Variants in CPQ observed in about 807,000 individuals in gnomAD.
CPQ encodes the protein Ser-Met dipeptidase.
Under a neutral mutation model 45.7 loss-of-function variants are expected in CPQ, and 37 were observed. The observed-to-expected ratio is 0.81, with a 90% CI of 0.62 to 1.07. The LOEUF (loss-of-function observed/expected upper bound fraction) is 1.07. Ranked by LOEUF, CPQ falls within the 50% of genes least tolerant of loss-of-function variation. The pLI is 0.00. For synonymous variants in CPQ, 186 were observed against 205.8 expected (o/e 0.90, Z 0.82); for missense variants, 537 against 572.9 (o/e 0.94, Z 0.64).
intron 4 of CPQ, among the ~76,000 whole-genome samples, chr8:96,925,360 C>T (rs1252871871): frequency 6.6e-6 from 1 of 150,924 alleles, no homozygotes; most frequent in Non-Finnish European, 1.5e-5. Context: ...AAACCAGAGC[C>T]TTTGGGTGTG....
intron 7 of CPQ, among the ~76,000 whole-genome samples, chr8:97,107,068 C>A (rs1811416939): frequency 6.6e-6 from 1 of 152,128 alleles, no homozygotes; most frequent in Non-Finnish European, 1.5e-5. Flanking sequence ...GAGCTACTGA[C>A]TCTAATAGCA....
intron 1 of CPQ, among the ~76,000 whole-genome samples, chr8:96,711,860 A>G (rs1279077188): frequency 1.3e-5 from 2 of 152,154 alleles, no homozygotes; most frequent in African/African-American, 2.4e-5. Context: ...CCATCCTAAC[A>G]GTCCCCCAAA....
intron 7 of CPQ, among the ~76,000 whole-genome samples, chr8:97,141,582 T>A (rs1230384588): frequency 6.6e-6 from 1 of 152,144 alleles, no homozygotes; most frequent in Non-Finnish European, 1.5e-5. Flanking sequence ...ACAGTGTAAG[T>A]GTAAATTGAA....
At position 96,818,494 on chromosome 8, in the gene CPQ, G is replaced by A. The variant is rs567294471; in HGVS notation, c.434-16479G>A. 3.3e-5 allele frequency among the ~76,000 whole-genome samples: 5 copies of A among 152,162 alleles called. No homozygotes were observed. In the South Asian group the frequency reaches 1.0e-3, roughly 32 times the overall value. ...AATGGTATGGATAGACTTGCTTGAT[G>A]TGGGGTTGCAACAAACTCGATTTGT... On this transcript the variant is annotated intron_variant, in intron 2 of 7. Coordinates refer to ENST00000220763, the MANE Select transcript of CPQ (RefSeq NM_016134.4).
At chr8:96,926,340 C>T (rs956450207) in intron 4 of CPQ, among the ~76,000 whole-genome samples, 3 of 152,282 alleles carry the variant, frequency 2.0e-5, no homozygotes, top group Admixed American at 1.3e-4. Flanking sequence ...AGCTATTCTT[C>T]CTGTCTCTAT....
At chr8:96,763,234 AC>A (rs776572158) in intron 1 of CPQ, among the ~76,000 whole-genome samples, 2 of 152,190 alleles carry the variant, frequency 1.3e-5, no homozygotes, top group African/African-American at 2.4e-5. Flanking sequence ...GGAAGTCAGG[AC>A]TTTAACATAT....
At chr8:96,881,393 A>T (rs1812221579) in intron 4 of CPQ, among the ~76,000 whole-genome samples, 1 of 152,100 alleles carries the variant, frequency 6.6e-6, no homozygotes. Flanking sequence ...ACTTTTAAAC[A>T]ACCAGATCTC....
chr8:96,866,918 C>T (rs897579337), intron 3 of CPQ, among the ~76,000 whole-genome samples: 3 of 152,090 alleles, frequency 2.0e-5, no homozygotes, highest in Admixed American at 2.0e-4. Flanking sequence ...TTACCAATGT[C>T]CTGTTTATAC....
At position 96,809,339 on chromosome 8, in the gene CPQ, T is replaced by C. The variant is rs138533185; in HGVS notation, c.433+24009T>C. 1.8e-3 allele frequency among the ~76,000 whole-genome samples: 276 copies of C among 152,288 alleles called. 2 individuals are homozygous for C. Among genetic ancestry groups the C allele is most frequent in the African/African-American group, 6.4e-3 (268 of 41,562 alleles). On this transcript the variant is annotated intron_variant, in intron 2 of 7. Transcript: ENST00000220763. ...TAGCTAAAAACTGGCAACAATTTCT[T>C]ATGTTGATCACCTGCTGAATGAGTA...
chr8:97,120,759 A>T (rs1586550743), intron 7 of CPQ, among the ~76,000 whole-genome samples: 1 of 152,344 alleles, frequency 6.6e-6, no homozygotes, highest in East Asian at 1.9e-4. Context: ...ATTCTTTAAA[A>T]TAACAATGAA....
chr8:96,711,193 T>G (rs1397643913), intron 1 of CPQ, among the ~76,000 whole-genome samples: 1 of 152,174 alleles, frequency 6.6e-6, no homozygotes, highest in East Asian at 1.9e-4. Context: ...TTTCCACCCC[T>G]TTACCTTGAG....
chr8:97,054,263 T>C (rs1810413720), intron 6 of CPQ, among the ~76,000 whole-genome samples: 1 of 151,960 alleles, frequency 6.6e-6, no homozygotes, highest in South Asian at 2.1e-4. Flanking sequence ...TATTAAAAAA[T>C]CAGAAAACAA....
chr8:96,828,804 G>T (rs1811410436), intron 2 of CPQ, among the ~76,000 whole-genome samples: 1 of 152,062 alleles, frequency 6.6e-6, no homozygotes, highest in Non-Finnish European at 1.5e-5. Flanking sequence ...TTTTGGAAAA[G>T]AGTATATTTC....
intron 5 of CPQ, among the ~76,000 whole-genome samples, chr8:96,994,677 T>G (rs1372231059): frequency 1.3e-5 from 2 of 151,900 alleles, no homozygotes; most frequent in Admixed American, 6.6e-5. Context: ...CATATAGAAG[T>G]AGCCCAATTA....
intron 6 of CPQ, among the ~76,000 whole-genome samples, chr8:97,033,003 G>A (rs1809935045): frequency 6.6e-6 from 1 of 152,172 alleles, no homozygotes; most frequent in South Asian, 2.1e-4. Context: ...GAGGAAGGAG[G>A]CAACACCTAA....
At chr8:96,680,357 G>A (rs1452040794) in intron 1 of CPQ, 1 of 152,146 alleles carries the variant, frequency 6.6e-6, no homozygotes, top group Non-Finnish European at 1.5e-5. Flanking sequence ...TCAGTGGGAG[G>A]TAATTGAATC....
intron 1 of CPQ, among the ~76,000 whole-genome samples, chr8:96,651,957 TTAAA>T (rs1238868129): frequency 6.6e-6 from 1 of 152,240 alleles, no homozygotes; most frequent in Non-Finnish European, 1.5e-5. Flanking sequence ...ACCCATCACC[TTAAA>T]TACTTATCAT....
intron 5 of CPQ, among the ~76,000 whole-genome samples, chr8:96,976,064 T>C (rs1328462523): frequency 6.6e-6 from 1 of 151,940 alleles, no homozygotes; most frequent in Admixed American, 6.6e-5. Flanking sequence ...TGTTTGCTGA[T>C]GATATGATTG....
At chr8:96,828,682 G>A (rs773612862) in intron 2 of CPQ, among the ~76,000 whole-genome samples, 8 of 151,962 alleles carry the variant, frequency 5.3e-5, no homozygotes, top group African/African-American at 1.7e-4. Flanking sequence ...CATGAAAGCC[G>A]TCCCTCACTC....
Sources: gnomAD v4.1 joint callset for allele counts (sites outside exome capture counted in the v4.1 genomes callset) on GRCh38, gnomAD v4.1.1 for gene constraint, MANE v1.5 for transcripts, NCBI Gene and HGNC (gene_info 2026-07-23, HGNC 2026-07-21) for gene names.